Variants in SLC8A1 observed in about 807,000 individuals in gnomAD.
SLC8A1 encodes solute carrier family 8 member A1, also known as sodium/calcium exchanger 1.
A neutral mutation model predicts 68.3 loss-of-function variants in SLC8A1; 18 were observed. The observed-to-expected ratio is 0.26, with a 90% CI of 0.18 to 0.39. The LOEUF is 0.39. Among genes scored for constraint, SLC8A1 ranks in the 10% least tolerant of loss-of-function variants. The pLI, the probability that SLC8A1 is intolerant of heterozygous loss-of-function variation, is 1.00. For synonymous variants in SLC8A1, 475 were observed against 415.5 expected, an observed-to-expected ratio of 1.14 and a Z score of -1.74; for missense variants, 985 against 1,156.7, an observed-to-expected ratio of 0.85 and a Z score of 2.15.
intron 1 of SLC8A1, among the ~76,000 whole-genome samples, chr2:40,450,848 A>G (rs1702323295): frequency 6.6e-6 from 1 of 152,226 alleles, no homozygotes. Context: ...GCTCTCTTCT[A>G]AAAATGCTTT....
chr2:40,138,300 A>G (rs905028743), intron 7 of SLC8A1, among the ~76,000 whole-genome samples: 5 of 152,204 alleles, frequency 3.3e-5, no homozygotes, highest in Non-Finnish European at 2.9e-5. Context: ...ACCAAAAGTC[A>G]GGCTTGACAA....
intron 1 of SLC8A1, among the ~76,000 whole-genome samples, chr2:40,438,966 A>C (rs1699989107): frequency 6.6e-6 from 1 of 152,104 alleles, no homozygotes; most frequent in Non-Finnish European, 1.5e-5. Flanking sequence ...GAAAATCAGA[A>C]AACAGTGTTT....
At chr2:40,152,401 T>C (rs566997334) in intron 6 of SLC8A1, among the ~76,000 whole-genome samples, 1 of 152,204 alleles carries the variant, frequency 6.6e-6, no homozygotes, top group African/African-American at 2.4e-5. Flanking sequence ...GTTTGGATAC[T>C]ACCTCTGCAG....
At chr2:40,199,055 T>C (rs139057661) in intron 2 of SLC8A1, among the ~76,000 whole-genome samples, 1 of 151,232 alleles carries the variant, frequency 6.6e-6, no homozygotes, top group Admixed American at 6.6e-5. Context: ...ATACAATTAA[T>C]AAATACAGAA....
At chr2:40,452,388 T>A (rs1702670646), upstream of SLC8A1, among the ~76,000 whole-genome samples, 1 of 151,986 alleles carries the variant, frequency 6.6e-6, no homozygotes, top group South Asian at 2.1e-4. Context: ...GCGAGCAGCT[T>A]TTTCGATTTC....
At chr2:40,174,761 G>A (rs774290293) in intron 4 of SLC8A1, 41 bp from the exon 6 acceptor site, 7 of 1,577,436 alleles carry the variant, frequency 4.4e-6, no homozygotes, top group South Asian at 3.4e-5. Context: ...TTTTTTTAAT[G>A]TAATAACATC....
intron 2 of SLC8A1, among the ~76,000 whole-genome samples, chr2:40,394,466 T>G (rs576352448): frequency 6.6e-6 from 1 of 152,168 alleles, no homozygotes; most frequent in South Asian, 2.1e-4. Context: ...CGTGTGTGTG[T>G]GGTGTGTGAG....
intron 6 of SLC8A1, among the ~76,000 whole-genome samples, chr2:40,147,085 C>A (rs904930676): frequency 6.6e-6 from 1 of 152,134 alleles, no homozygotes; most frequent in African/African-American, 2.4e-5. Context: ...AAATATTTAA[C>A]GTGACAGAAA....
chr2:40,329,466 G>A (rs1473771188), intron 2 of SLC8A1, among the ~76,000 whole-genome samples: 1 of 152,142 alleles, frequency 6.6e-6, no homozygotes, highest in African/African-American at 2.4e-5. Context: ...TTGTTAAATG[G>A]CTATTGGAAG....
chr2:40,305,471 G>T (rs906636393), intron 2 of SLC8A1, among the ~76,000 whole-genome samples: 1 of 152,178 alleles, frequency 6.6e-6, no homozygotes, highest in African/African-American at 2.4e-5. Flanking sequence ...TATAGGGAGG[G>T]AGACAAATAT....
intron 2 of SLC8A1, among the ~76,000 whole-genome samples, chr2:40,302,603 T>C (rs1429261651): frequency 2.7e-5 from 4 of 149,786 alleles, no homozygotes; most frequent in Non-Finnish European, 4.4e-5. Flanking sequence ...ATGTATGATA[T>C]ATATATATAT....
At chr2:40,350,336 C>G (rs1045566520) in intron 2 of SLC8A1, among the ~76,000 whole-genome samples, 1 of 151,826 alleles carries the variant, frequency 6.6e-6, no homozygotes, top group Admixed American at 6.6e-5. Context: ...TAAATATTAG[C>G]TGACTGTGTT....
intron 4 of SLC8A1, 134 bp downstream of exon 7, chr2:40,170,147 G>A: frequency 1.3e-6 from 1 of 769,128 alleles, no homozygotes; most frequent in Non-Finnish European, 2.1e-6. Context: ...CGTACCACTG[G>A]CTGCCAGAGA....
At chr2:40,482,473 G>A (rs1351792909) in intron 1 of SLC8A1, among the ~76,000 whole-genome samples, 1 of 152,140 alleles carries the variant, frequency 6.6e-6, no homozygotes, top group Non-Finnish European at 1.5e-5. Context: ...GCCTGAGAAG[G>A]AACTCATGTC....
At chr2:40,329,742 TG>T (rs1481993030) in intron 2 of SLC8A1, among the ~76,000 whole-genome samples, 3 of 152,126 alleles carry the variant, frequency 2.0e-5, no homozygotes, top group African/African-American at 7.2e-5. Context: ...AGGTTTAAAG[TG>T]AGAGCTTTAA....
chr2:40,381,923 T>C (rs1247698684), intron 2 of SLC8A1, among the ~76,000 whole-genome samples: 1 of 152,008 alleles, frequency 6.6e-6, no homozygotes, highest in South Asian at 2.1e-4. Flanking sequence ...CTTACATTTC[T>C]TCCCTGCTCT....
At chr2:40,165,129 G>A in intron 4 of SLC8A1, 145 bp from the exon 8 acceptor site, 2 of 880,550 alleles carry the variant, frequency 2.3e-6, no homozygotes, top group East Asian at 2.4e-5. Flanking sequence ...CTGGAGGGAA[G>A]AGCCAGACAG....
At chr2:40,353,518 G>A (rs541164254) in intron 2 of SLC8A1, among the ~76,000 whole-genome samples, 2 of 151,596 alleles carry the variant, frequency 1.3e-5, no homozygotes, top group Non-Finnish European at 2.9e-5. Flanking sequence ...TTACAACATC[G>A]CTAACATCAA....
intron 2 of SLC8A1, among the ~76,000 whole-genome samples, chr2:40,202,079 T>C (rs184387896): frequency 2.2e-4 from 34 of 152,108 alleles, no homozygotes; most frequent in Non-Finnish European, 4.0e-4. Flanking sequence ...TGCTATACTA[T>C]CCTTAGAGGA....
Sources: allele counts gnomAD v4.1 joint callset (sites outside exome capture counted in the v4.1 genomes callset), GRCh38; gene constraint gnomAD v4.1.1; transcripts MANE v1.5; gene names NCBI Gene and HGNC (gene_info 2026-07-23, HGNC 2026-07-21).